Variants in RIMS3 observed in about 807,000 individuals in gnomAD.
RIMS3 encodes regulating synaptic membrane exocytosis protein 3.
Under a neutral mutation model 29.2 loss-of-function variants are expected in RIMS3, and 15 were observed. The observed-to-expected ratio is 0.51, with a 90% CI of 0.34 to 0.79. The LOEUF (loss-of-function observed/expected upper bound fraction) is 0.79, where lower values mean the gene tolerates loss of function less well. Ranked by LOEUF, RIMS3 falls within the 30% of genes least tolerant of loss-of-function variation. The pLI is 0.01. For synonymous variants in RIMS3, 161 were observed against 170.1 expected (o/e 0.95, Z 0.41); for missense variants, 342 against 421.4 (o/e 0.81, Z 1.65).
At position 40,635,549 on chromosome 1, in the gene RIMS3, T is replaced by G. The variant is rs1035690422; in HGVS notation, c.359+367A>C. 3.9e-5 allele frequency among the ~76,000 whole-genome samples: 6 copies of G among 152,354 alleles called. No individual in the cohort carries two copies. The highest frequency in any genetic ancestry group is 2.0e-4 in the Admixed American group (3 of 15,302). On this transcript the variant is annotated intron_variant, in intron 4 of 7. Transcript: ENST00000372684. The surrounding 1 kb of genome is among the most constrained non-coding windows in gnomAD (Gnocchi z 4.1). ...CCTCCTTGAGAAAATTCCACTCATCTGGGCCACAACAATGGTTTTAGATTT... is the reference window on the plus strand; with the variant it reads ...CCTCCTTGAGAAAATTCCACTCATCGGGGCCACAACAATGGTTTTAGATTT...
the RIMS3 span, among the ~76,000 whole-genome samples, chr1:40,678,647 G>A: frequency 2.0e-5 from 3 of 152,194 alleles, no homozygotes; most frequent in Non-Finnish European, 4.4e-5. Flanking sequence ...AATAGCTGGG[G>A]ACAGGTGAGG....
intron 2 of RIMS3, among the ~76,000 whole-genome samples, chr1:40,647,024 G>A (rs1198779232): frequency 1.3e-5 from 2 of 152,050 alleles, no homozygotes; most frequent in African/African-American, 2.4e-5. Flanking sequence ...GGGACTACAG[G>A]CGCCCACTAC....
chr1:40,664,533 G>T (rs964183518), intron 1 of RIMS3, among the ~76,000 whole-genome samples: 2 of 152,122 alleles, frequency 1.3e-5, no homozygotes, highest in African/African-American at 4.8e-5. Flanking sequence ...GCTAGGGTTG[G>T]ACACATATTC....
chr1:40,670,419 T>C (rs956756972), upstream of RIMS3, among the ~76,000 whole-genome samples: 2 of 151,670 alleles, frequency 1.3e-5, no homozygotes, highest in South Asian at 4.2e-4. Context: ...GGGTAAGAGC[T>C]TACACAAAGG....
the RIMS3 span, among the ~76,000 whole-genome samples, chr1:40,679,735 T>C: frequency 6.6e-6 from 1 of 152,060 alleles, no homozygotes; most frequent in African/African-American, 2.4e-5. Context: ...TCAGAATGAA[T>C]CTCAGGATTT....
the RIMS3 span, chr1:40,691,881 CG>C: frequency 2.6e-5 from 10 of 383,376 alleles, no homozygotes; most frequent in Non-Finnish European, 4.8e-5. Context: ...TGTGAGTGTG[CG>C]GGAGTTTCTG....
the RIMS3 span, among the ~76,000 whole-genome samples, chr1:40,682,739 A>ATTTTTTTTTTTTTTTTTTT: frequency 4.3e-5 from 2 of 46,488 alleles, no homozygotes; most frequent in South Asian, 4.5e-4. Context: ...CCCTTTGCAG[A>ATTTTTTTTTTTTTTTTTTT]TCTTTTTTTT....
intron 2 of RIMS3, among the ~76,000 whole-genome samples, chr1:40,645,887 G>C (rs926715267): frequency 3.3e-5 from 5 of 152,164 alleles, no homozygotes; most frequent in Non-Finnish European, 7.3e-5. Flanking sequence ...ATCAACCAGG[G>C]GGGCTGGAGA....
In RIMS3 at chr1:40,621,098, A is replaced by G. The variant is rs564053662; in HGVS notation, c.*5419T>C. The G allele has an allele frequency of 6.6e-6, 1 of 152,360 alleles. No homozygotes were observed. Among genetic ancestry groups the G allele is most frequent in the South Asian group, 2.1e-4 (1 of 4,828 alleles). The allele number at this position is 152,360 out of a possible 1,614,324, so 9.4% of individuals were successfully genotyped here. A position where few individuals can be genotyped will look rare whatever the true frequency, so the allele number is the denominator to read the frequency against. On this transcript the variant is annotated 3_prime_UTR_variant, in exon 8 of 8. Coordinates refer to ENST00000372684, the MANE Select transcript of RIMS3 (RefSeq NM_014747.3). ...TGATGTCTGGTTAAAGACATTCTGGAGGGAGGAGTGGTCTTAAGAAGCAAA... is the reference window on the plus strand; with the variant it reads ...TGATGTCTGGTTAAAGACATTCTGGGGGGAGGAGTGGTCTTAAGAAGCAAA...
chr1:40,677,901 G>T, the RIMS3 span, among the ~76,000 whole-genome samples: 246 of 152,302 alleles, frequency 1.6e-3, no homozygotes, highest in African/African-American at 5.8e-3. Context: ...ACCCTCTACA[G>T]AGACTTAGCT....
the RIMS3 span, among the ~76,000 whole-genome samples, chr1:40,688,906 T>C: frequency 1.3e-5 from 2 of 152,232 alleles, no homozygotes; most frequent in Non-Finnish European, 2.9e-5. Context: ...TAAATTACAA[T>C]ATCTACCTTC....
chr1:40,690,206 C>CATAG, the RIMS3 span, among the ~76,000 whole-genome samples: 1 of 152,112 alleles, frequency 6.6e-6, no homozygotes, highest in Admixed American at 6.5e-5. Flanking sequence ...TTTTGGCAAG[C>CATAG]ATAGTATATG....
chr1:40,679,374 TG>T, the RIMS3 span, among the ~76,000 whole-genome samples: 3 of 152,172 alleles, frequency 2.0e-5, no homozygotes, highest in African/African-American at 7.2e-5. Flanking sequence ...AAGAAGTGTC[TG>T]GGGAATGTAG....
chr1:40,637,370 G>C (rs373383443), intron 3 of RIMS3, among the ~76,000 whole-genome samples: 1 of 152,162 alleles, frequency 6.6e-6, no homozygotes, highest in African/African-American at 2.4e-5. Context: ...TGGGTGGCGG[G>C]ACAGGCTGAG....
the RIMS3 span, chr1:40,690,938 G>A: frequency 3.3e-5 from 5 of 152,324 alleles, no homozygotes; most frequent in Admixed American, 3.3e-4. Flanking sequence ...AAGTTATTCG[G>A]ATGGGGTTTT....
the RIMS3 span, among the ~76,000 whole-genome samples, chr1:40,675,425 C>A: frequency 6.6e-6 from 1 of 151,798 alleles, no homozygotes; most frequent in Non-Finnish European, 1.5e-5. Context: ...AATTCATGAC[C>A]AGCCTAAGCA....
the RIMS3 span, among the ~76,000 whole-genome samples, chr1:40,686,072 C>T: frequency 5.0e-3 from 757 of 152,114 alleles, 5 homozygotes; most frequent in African/African-American, 0.018. Flanking sequence ...TAGCTCGAAC[C>T]TGGGAGGCAG....
At position 40,626,127 on chromosome 1, in the gene RIMS3, G is replaced by A; in HGVS notation, c.*390C>T. 3.3e-6 allele frequency: 1 copy of A among 306,040 alleles called. No homozygotes were observed. The highest frequency in any genetic ancestry group is 3.5e-5 in the South Asian group (1 of 28,546). The allele number at this position is 306,040 out of a possible 1,614,324, so 19.0% of individuals were successfully genotyped here. On this transcript the variant is annotated 3_prime_UTR_variant, in exon 8 of 8. Coordinates refer to ENST00000372684, the MANE Select transcript of RIMS3 (RefSeq NM_014747.3). ...GAAGAACACACAGGCTCTGCCCCAG[G>A]CCAGGACCAGGCAGCACCGACCAGT...
chr1:40,679,818 A>T, the RIMS3 span, among the ~76,000 whole-genome samples: 2 of 152,134 alleles, frequency 1.3e-5, no homozygotes, highest in Non-Finnish European at 1.5e-5. Flanking sequence ...AGGCCCTGGG[A>T]GCTGTTGACA....
Sources: gnomAD v4.1 joint callset for allele counts (sites outside exome capture counted in the v4.1 genomes callset) on GRCh38, gnomAD v4.1.1 for gene constraint, Gnocchi (gnomAD v3.1) non-coding constraint, MANE v1.5 for transcripts, NCBI Gene and HGNC (gene_info 2026-07-23, HGNC 2026-07-21) for gene names.